MAML1: variants seen among roughly 807,000 people sequenced by gnomAD.
MAML1 encodes mastermind like transcriptional coactivator 1, also known as mastermind-like protein 1.
A neutral mutation model predicts 77.1 loss-of-function variants in MAML1; 14 were observed. The observed-to-expected ratio is 0.18, with a 90% CI of 0.12 to 0.28. The LOEUF (loss-of-function observed/expected upper bound fraction) is 0.28. MAML1 is among the 10% of genes least tolerant of loss of function. The pLI is 1.00. For missense variants in MAML1, 1,217 were observed against 1,327.8 expected (o/e 0.92, Z 1.30); for synonymous variants, 516 against 551.9 (o/e 0.93, Z 0.91).
rs778603597 is a variant in MAML1 at position 179,773,899 on chromosome 5, C to A, written c.2073C>A (p.Ser691=). 6.2e-7 allele frequency: 1 copy of A among 1,612,386 alleles called. No homozygotes were observed. Among genetic ancestry groups the A allele is most frequent in the East Asian group, 2.2e-5 (1 of 44,816 alleles). ...AGACTCTTCTCTGTCTTGTAGGGTCCTCTGCTGCCGTGCCCGGCATGAACA... is the reference window on the plus strand; with the variant it reads ...AGACTCTTCTCTGTCTTGTAGGGTCATCTGCTGCCGTGCCCGGCATGAACA... ...FPQQVGQFTG[S]SAAVPGMNTL... Residue 691 remains serine, a synonymous_variant, in exon 5 of 5, where the codon TCC becomes TCA. Coordinates refer to ENST00000292599, the MANE Select transcript of MAML1 (RefSeq NM_014757.5).
At chr5:179,768,520 G>C (rs1779862707) in intron 2 of MAML1, among the ~76,000 whole-genome samples, 1 of 152,354 alleles carries the variant, frequency 6.6e-6, no homozygotes, top group Non-Finnish European at 1.5e-5. Flanking sequence ...CCTGATAAGT[G>C]AGCATTTCTA....
At chr5:179,734,348 C>T (rs574597598) in intron 1 of MAML1, among the ~76,000 whole-genome samples, 1 of 152,210 alleles carries the variant, frequency 6.6e-6, no homozygotes, top group East Asian at 1.9e-4. Flanking sequence ...TTTCTTTCTC[C>T]CTTATTCTCG....
chr5:179,767,765 C>T (rs1031282342), intron 2 of MAML1, among the ~76,000 whole-genome samples: 2 of 152,210 alleles, frequency 1.3e-5, no homozygotes, highest in African/African-American at 4.8e-5. Context: ...AGTTCTTAAG[C>T]TTCTGGTGAT....
At position 179,774,995 on chromosome 5, in the gene MAML1, G is replaced by T; in HGVS notation, c.*118G>T. On this transcript the variant is annotated 3_prime_UTR_variant, in exon 5 of 5. Transcript: ENST00000292599. The stretch of plus-strand genomic sequence containing the variant: ...TGGCCTGGGGAGCTGGGCAGGTAGA[G>T]CCCAAGCTCCAGGTGAGGCCTGGCC... The T allele has an allele frequency of 6.7e-7, 1 of 1,485,996 alleles. No homozygotes were observed. The highest frequency in any genetic ancestry group is 8.9e-7 in the Non-Finnish European group (1 of 1,127,000). 92.1% of individuals were successfully genotyped at this position (1,485,996 alleles called of 1,614,324 possible).
chr5:179,746,559 GAC>G (rs1408994028), intron 1 of MAML1, among the ~76,000 whole-genome samples: 7 of 151,680 alleles, frequency 4.6e-5, no homozygotes, highest in Non-Finnish European at 8.8e-5. Context: ...TTTTAGTAGA[GAC>G]AGGGTTTCTC....
At chr5:179,748,640 A>G (rs1210437450) in intron 1 of MAML1, among the ~76,000 whole-genome samples, 2 of 152,248 alleles carry the variant, frequency 1.3e-5, no homozygotes, top group African/African-American at 4.8e-5. Flanking sequence ...ATAGTTGATA[A>G]CAGAAGCACA....
chr5:179,762,198 A>G (rs1177602064), intron 1 of MAML1, among the ~76,000 whole-genome samples: 2 of 152,098 alleles, frequency 1.3e-5, no homozygotes, highest in African/African-American at 2.4e-5. Context: ...GTGGTTGAAG[A>G]AGGAGGAAGT....
intron 1 of MAML1, among the ~76,000 whole-genome samples, chr5:179,739,137 C>G (rs764312581): frequency 8.5e-5 from 13 of 152,300 alleles, no homozygotes; most frequent in Middle Eastern, 3.4e-3. Flanking sequence ...TCTGCGCATT[C>G]TGCATCTGCG....
intron 1 of MAML1, among the ~76,000 whole-genome samples, chr5:179,748,733 A>G (rs898328519): frequency 5.3e-5 from 8 of 152,232 alleles, no homozygotes; most frequent in Non-Finnish European, 1.0e-4. Context: ...ATTTCTGAAC[A>G]TTGAGTTGAT....
chr5:179,736,343 C>T (rs564220142), intron 1 of MAML1, among the ~76,000 whole-genome samples: 10 of 152,088 alleles, frequency 6.6e-5, no homozygotes, highest in African/African-American at 2.4e-4. Flanking sequence ...ACCTCCGCCT[C>T]CCAGGTTCAA....
chr5:179,736,787 C>T (rs1779178742), intron 1 of MAML1, among the ~76,000 whole-genome samples: 1 of 151,606 alleles, frequency 6.6e-6, no homozygotes, highest in African/African-American at 2.4e-5. Context: ...CATGGTGAAA[C>T]CCCGTCTCTA....
At position 179,769,208 on chromosome 5, in the gene MAML1, T is replaced by G. The variant is rs1369078848; in HGVS notation, c.1971+119T>G. Reference sequence around the variant, plus strand: ...TTTGCGCAGACTTGCGTGCCTGTTGTTAGAGTGCTTTGCCTTTTAAAAACA... The same window carrying G: ...TTTGCGCAGACTTGCGTGCCTGTTGGTAGAGTGCTTTGCCTTTTAAAAACA... On this transcript the variant is annotated intron_variant, in intron 3 of 4. Transcript: ENST00000292599. This position sits in a 1 kb window ranked among gnomAD's most constrained non-coding sequence, Gnocchi z 4.2. 7.2e-7 allele frequency: 1 copy of G among 1,396,928 alleles called. No homozygotes were observed. Among genetic ancestry groups the G allele is most frequent in the Non-Finnish European group, 9.8e-7 (1 of 1,022,114 alleles). 86.5% of individuals were successfully genotyped at this position (1,396,928 alleles called of 1,614,324 possible).
chr5:179,738,803 C>T (rs1177929028), intron 1 of MAML1, among the ~76,000 whole-genome samples: 2 of 149,190 alleles, frequency 1.3e-5, no homozygotes, highest in African/African-American at 4.9e-5. Context: ...TTTTTGGAGA[C>T]AGGGTCTCAC....
intron 1 of MAML1, among the ~76,000 whole-genome samples, chr5:179,746,861 A>G (rs1302215636): frequency 1.3e-5 from 2 of 152,276 alleles, no homozygotes; most frequent in Middle Eastern, 3.2e-3. Context: ...AGTGAGAAAT[A>G]TAACAAAAAG....
At chr5:179,758,359 C>T (rs976211839) in intron 1 of MAML1, among the ~76,000 whole-genome samples, 32 of 150,570 alleles carry the variant, frequency 2.1e-4, no homozygotes, top group Non-Finnish European at 3.7e-4. Context: ...AATTTTAGAA[C>T]GTTTAGACAG....
chr5:179,763,587 AAAG>A (rs1779760176), intron 1 of MAML1, among the ~76,000 whole-genome samples: 1 of 152,334 alleles, frequency 6.6e-6, no homozygotes, highest in African/African-American at 2.4e-5. Context: ...GATGTGGGGA[AAAG>A]AAGAACAGGA....
At position 179,776,916 on chromosome 5, in the gene MAML1, G is replaced by A. The variant is rs1025252118; in HGVS notation, c.*2039G>A. The A allele has an allele frequency of 1.2e-5, 12 of 985,780 alleles. No homozygotes were observed. The highest frequency in any genetic ancestry group is 1.4e-5 in the Non-Finnish European group (12 of 829,954). 61.1% of individuals were successfully genotyped at this position (985,780 alleles called of 1,614,324 possible). ...TGACTTTGCTTCTGTGCACAGCCCCGTCTTCCAGGAGCCACAACTCAGAAG... is the reference window on the plus strand; with the variant it reads ...TGACTTTGCTTCTGTGCACAGCCCCATCTTCCAGGAGCCACAACTCAGAAG... On this transcript the variant is annotated 3_prime_UTR_variant, in exon 5 of 5. Coordinates refer to ENST00000292599, the MANE Select transcript of MAML1 (RefSeq NM_014757.5).
Position 179,774,417 on chromosome 5 carries a change from C to T in MAML1, c.2591C>T (p.Ser864Phe). 1.2e-6 allele frequency: 2 copies of T among 1,613,266 alleles called. No homozygotes were observed. The highest frequency in any genetic ancestry group is 1.7e-6 in the Non-Finnish European group (2 of 1,180,040). Residue 864 changes from serine to phenylalanine, a missense_variant, in exon 5 of 5, where the codon TCC becomes TTC. Around this residue, in one of 3 missense-constraint regions of MAML1, gnomAD observed 884 missense variants for 949.3 expected, o/e 0.93. Transcript: ENST00000292599. The part of the protein sequence containing the change: ...NSNVSPFTAA[S>F]SFHMQQQAHL... Reference sequence around the variant, plus strand: ...AACGTGAGTCCCTTCACTGCAGCCTCCAGTTTCCACATGCAGCAGCAGGCC... The same window carrying T: ...AACGTGAGTCCCTTCACTGCAGCCTTCAGTTTCCACATGCAGCAGCAGGCC...
chr5:179,739,820 T>C (rs1779245467), intron 1 of MAML1, among the ~76,000 whole-genome samples: 1 of 152,216 alleles, frequency 6.6e-6, no homozygotes, highest in Admixed American at 6.5e-5. Context: ...GGCCATTTTA[T>C]GTAAGGGACT....
Sources: gnomAD v4.1 joint callset for allele counts (sites outside exome capture counted in the v4.1 genomes callset) on GRCh38, gnomAD v4.1.1 for gene constraint, gnomAD v4.1.1 regional missense constraint, Gnocchi (gnomAD v3.1) non-coding constraint, MANE v1.5 for transcripts, NCBI Gene and HGNC (gene_info 2026-07-23, HGNC 2026-07-21) for gene names.